PARP10: variants seen among roughly 807,000 people sequenced by gnomAD.
PARP10 encodes poly(ADP-ribose) polymerase family member 10.
PARP10 carries 56 observed loss-of-function variants against 82.4 expected under a neutral mutation model. The observed-to-expected ratio is 0.68, with a 90% CI of 0.55 to 0.85. PARP10 has a LOEUF of 0.85. Ranked by LOEUF, PARP10 falls within the 40% of genes least tolerant of loss-of-function variation. The pLI is 0.00. For synonymous variants in PARP10, 576 were observed against 601.1 expected, an observed-to-expected ratio of 0.96 and a Z score of 0.61; for missense variants, 1,227 against 1,379.4, an observed-to-expected ratio of 0.89 and a Z score of 1.75.
rs190244484 is a variant in PARP10, at chr8:144,006,003, C to T, written c.-80+6527G>A. Among the ~76,000 whole-genome samples the T allele has an allele frequency of 1.1e-3, 169 of 152,372 alleles. 1 individual carries two copies. Among genetic ancestry groups the T allele is most frequent in the African/African-American group, 3.9e-3 (162 of 41,590 alleles). ...CGCACTGGTAAGAGATGGTGCTCAA[C>T]ACTGACTGAAGAGTGGGGACCCTCA... On this transcript the variant is annotated intron_variant, in intron 1 of 3. Coordinates refer to the PARP10 transcript ENST00000530478.
chr8:143,989,271 A>G (rs939190131), upstream of PARP10, among the ~76,000 whole-genome samples: 1 of 152,230 alleles, frequency 6.6e-6, no homozygotes, highest in Non-Finnish European at 1.5e-5. This position sits in a 1 kb window ranked among gnomAD's most constrained non-coding sequence, Gnocchi z 4.3. Context: ...GGAGCTAAGC[A>G]GGGAGGTGGC....
Position 143,983,214 on chromosome 8 carries a change from G to T in PARP10, c.2375C>A (p.Pro792His). ...GGGAAAGGCCAAACTCTGATCCCAG[G>T]GGCCAGCCAGAAGTGCCACCAAGTG... is the stretch of plus-strand genomic sequence containing the variant. ...ARHLVALLAG[P>H]WDQSLAFPLA... is the part of the protein sequence containing the mutation. The change falls in exon 8 of 11, where the codon CCC becomes CAC. Residue 792 changes from proline (P) to histidine (H), a missense_variant. Physicochemically the swap from Pro to His is moderately conservative, Grantham distance 77. Coordinates refer to ENST00000313028, the MANE Select transcript of PARP10 (RefSeq NM_032789.5). The T allele has an allele frequency of 1.2e-6, 2 of 1,613,798 alleles. No homozygotes were observed. The highest frequency in any genetic ancestry group is 1.7e-6 in the Non-Finnish European group (2 of 1,180,012).
Position 143,977,712 on chromosome 8 carries a change from A to G in PARP10, c.2850T>C (p.Thr950=). The G allele has an allele frequency of 1.9e-6, 3 of 1,596,070 alleles. No individual in the cohort carries two copies. Among genetic ancestry groups the G allele is most frequent in the Non-Finnish European group, 2.6e-6 (3 of 1,172,144 alleles). ...CGCGGCGGCCCTGCCCGTAGTCGCC[A>G]GTCAGCACCCGTGCCACGAACACCG... is the stretch of plus-strand genomic sequence containing the variant. ...HKAVFVARVL[T]GDYGQGRRGL... Residue 950 remains threonine, a synonymous_variant, in exon 11 of 11, where the codon ACT becomes ACC. Transcript: ENST00000313028.
chr8:143,985,246 G>A lies in PARP10; in HGVS notation c.756C>T (p.Pro252=), dbSNP rs144026672. 1.1e-4 allele frequency: 179 copies of A among 1,613,966 alleles called. 1 individual carries two copies. In the African/African-American group the frequency reaches 2.1e-3, roughly 19 times the overall value. ...CACTGGTGTTCTCAGCCAGCTCCTC[G>A]GGCTCCAGGATGTCGTAGTGGGGGA... ...SLVPHYDILE[P]EELAENTSGG... is the part of the protein sequence containing the mutation. Residue 252 remains proline, a synonymous_variant, in exon 5 of 11, where the codon CCC becomes CCT. Coordinates refer to ENST00000313028, the MANE Select transcript of PARP10 (RefSeq NM_032789.5).
At position 143,983,990 on chromosome 8, in the gene PARP10, G is replaced by T. The variant is rs1554748472; in HGVS notation, c.1777+18C>A. The T allele has an allele frequency of 3.3e-6, 5 of 1,505,650 alleles. No individual in the cohort carries two copies. In the South Asian group the frequency reaches 6.8e-5, roughly 20 times the overall value. The allele number at this position is 1,505,650 out of a possible 1,614,324, so 93.3% of individuals were successfully genotyped here. ...GTGAGGGCCACAGGATGTGCTGAGG[G>T]CTCCCAGGGAGCCCTACCCAGGCTC... is the stretch of plus-strand genomic sequence containing the variant. On this transcript the variant is annotated intron_variant, in intron 7 of 10. Transcript: ENST00000313028.
intron 1 of PARP10, among the ~76,000 whole-genome samples, chr8:144,005,769 C>G (rs1230857419): frequency 3.3e-5 from 5 of 152,164 alleles, no homozygotes; most frequent in African/African-American, 1.2e-4. Flanking sequence ...TTTGCCCCTT[C>G]TCATTCCCTG....
intron 1 of PARP10, among the ~76,000 whole-genome samples, chr8:144,003,398 C>T (rs1476791744): frequency 7.2e-6 from 1 of 139,774 alleles, no homozygotes; most frequent in Admixed American, 7.8e-5. Flanking sequence ...CACTGCACTC[C>T]AGCCTGGGTG....
At chr8:144,002,241 A>G (rs1449465986) in intron 1 of PARP10, among the ~76,000 whole-genome samples, 2 of 152,180 alleles carry the variant, frequency 1.3e-5, no homozygotes, top group African/African-American at 4.8e-5. Flanking sequence ...TCTTTATTCA[A>G]TGTAAGTCCA....
chr8:144,008,978 C>A lies in PARP10; in HGVS notation c.-80+3552G>T, dbSNP rs782001649. The stretch of plus-strand genomic sequence containing the variant: ...GGCTGCAGCTTAACATTCTGGGGGA[C>A]CCTGGGGGTCTTTTGAGGGCCTCTA... On this transcript the variant is annotated intron_variant, in intron 1 of 3. Coordinates refer to the PARP10 transcript ENST00000530478. The surrounding 1 kb of genome is among the most constrained non-coding windows in gnomAD (Gnocchi z 4.0). Among the ~76,000 whole-genome samples the A allele has an allele frequency of 4.6e-5, 7 of 152,112 alleles. No individual in the cohort carries two copies. Among genetic ancestry groups the A allele is most frequent in the Non-Finnish European group, 4.4e-5 (3 of 68,020 alleles).
upstream of PARP10, chr8:143,992,883 G>C: frequency 6.3e-7 from 1 of 1,589,758 alleles, no homozygotes; most frequent in Non-Finnish European, 8.6e-7. Flanking sequence ...GGCACGGCTG[G>C]CCTGGACCCT....
chr8:143,983,435 A>G lies in PARP10; in HGVS notation c.2154T>C (p.Asp718=), dbSNP rs781878370. ...QLVVHSAFEQ[D]VEELDRALRA... ...TGAGCGCCCGGTCCAGCTCCTCCAC[A>G]TCCTGCTCAAAGGCCGAGTGCACCA... Residue 718 remains aspartate, a synonymous_variant, in exon 8 of 11, where the codon GAT becomes GAC. Transcript: ENST00000313028. The G allele has an allele frequency of 1.9e-6, 3 of 1,605,484 alleles. No homozygotes were observed. Among genetic ancestry groups the G allele is most frequent in the Non-Finnish European group, 2.5e-6 (3 of 1,179,416 alleles).
At position 143,985,640 on chromosome 8, in the gene PARP10, C is replaced by T. The variant is rs1032718340; in HGVS notation, c.445G>A (p.Val149Ile). 1.9e-6 allele frequency: 3 copies of T among 1,613,006 alleles called. No individual in the cohort carries two copies. The African/African-American group carries it at 4.0e-5, about 22-fold the overall frequency. ...PKPLSEADVR[V>I]LEEQAQNLGL... ...AGATTCTGGGCCTGCTCCTCCAGGA[C>T]ACGGACATCTGTGGGGTATGTGCAG... is the stretch of plus-strand genomic sequence containing the variant. The change falls in exon 4 of 11, where the codon GTC becomes ATC. Residue 149 changes from valine (V) to isoleucine (I), a missense_variant. Physicochemically the swap from Val to Ile is conservative, Grantham distance 29. Coordinates refer to ENST00000313028, the MANE Select transcript of PARP10 (RefSeq NM_032789.5).
In PARP10 at chr8:144,011,263, G is replaced by A. The variant is rs1355963786; in HGVS notation, c.-80+1267C>T. 1.3e-5 allele frequency among the ~76,000 whole-genome samples: 2 copies of A among 152,222 alleles called. No homozygotes were observed. Among genetic ancestry groups the A allele is most frequent in the East Asian group, 3.9e-4 (2 of 5,164 alleles). On this transcript the variant is annotated intron_variant, in intron 1 of 3. Coordinates refer to the PARP10 transcript ENST00000530478. The surrounding 1 kb of genome is among the most constrained non-coding windows in gnomAD (Gnocchi z 4.5). ...AACAGAGACACTCTATAAAGTTAGA[G>A]GGGTGACTGAAGAGACCTCAACTCT...
chr8:143,986,170 C>A lies in PARP10; in HGVS notation c.66G>T (p.Val22=). ...AVEVRGLPPA[V]PDELLTLYFE... ...AGTAGAGAGTGAGCAGCTCGTCGGG[C>A]ACGGCAGGGGGCAGTCCACGGACCT... Residue 22 remains valine (V), a synonymous_variant, in exon 2 of 11, where the codon GTG becomes GTT. Transcript: ENST00000313028. 1 of 1,613,850 alleles carries A rather than the reference C, an allele frequency of 6.2e-7. No homozygotes were observed. Among genetic ancestry groups the A allele is most frequent in the Middle Eastern group, 1.7e-4 (1 of 6,060 alleles).
intron 9 of PARP10, among the ~76,000 whole-genome samples, chr8:143,981,357 GAT>G (rs1564248439): frequency 2.1e-4 from 28 of 134,310 alleles, no homozygotes; most frequent in South Asian, 9.5e-4. Context: ...TGATGGTGAT[GAT>G]GGTGGTGACG....
Position 143,978,053 on chromosome 8 carries a change from T to A in PARP10, c.2585A>T (p.Gln862Leu). The A allele has an allele frequency of 6.5e-7, 1 of 1,548,104 alleles. No individual in the cohort carries two copies. Among genetic ancestry groups the A allele is most frequent in the Non-Finnish European group, 8.7e-7 (1 of 1,150,558 alleles). ...CTCCCGGTACAGCTCATACTGCTGCTGCAGCAGCGGGTGCGACACGCGCTC... is the reference window on the plus strand; with the variant it reads ...CTCCCGGTACAGCTCATACTGCTGCAGCAGCAGCGGGTGCGACACGCGCTC... The part of the protein sequence containing the change: ...RVERVSHPLL[Q>L]QQYELYRERL... Residue 862 changes from glutamine (Q) to leucine (L), a missense_variant, in exon 10 of 11, where the codon CAG becomes CTG. Coordinates refer to ENST00000313028, the MANE Select transcript of PARP10 (RefSeq NM_032789.5).
At chr8:143,992,708 C>G (rs1554750787), upstream of PARP10, 9 of 1,613,940 alleles carry the variant, frequency 5.6e-6, no homozygotes, top group Non-Finnish European at 7.6e-6. Context: ...GCAGTGGACA[C>G]CCAGCTGCTA....
At chr8:143,981,305 AGTG>A (rs1379784776) in intron 9 of PARP10, among the ~76,000 whole-genome samples, 2 of 143,516 alleles carry the variant, frequency 1.4e-5, no homozygotes, top group Admixed American at 6.9e-5. Flanking sequence ...TGGTGGTGGT[AGTG>A]GTGGTGGTGA....
In PARP10 at chr8:143,977,922, A is replaced by G. The variant is rs201196278; in HGVS notation, c.2716T>C (p.Phe906Leu). ...DICAHGFNRSFCGRNATVYGK... is the reference protein window; with the variant it reads ...DICAHGFNRSLCGRNATVYGK... The stretch of plus-strand genomic sequence containing the variant: ...CAGGCCTCACCGTTGCGGCCGCAGA[A>G]GCTGCGGTTGAAGCCGTGGGCGCAG... The change falls in exon 10 of 11, where the codon TTC becomes CTC. Residue 906 changes from phenylalanine to leucine, a missense_variant. Phe to Leu is a conservative substitution (Grantham distance 22). Coordinates refer to ENST00000313028, the MANE Select transcript of PARP10 (RefSeq NM_032789.5). The G allele has an allele frequency of 1.2e-6, 2 of 1,601,534 alleles. No homozygotes were observed. The highest frequency in any genetic ancestry group is 4.5e-5 in the East Asian group (2 of 44,850).
Sources: gnomAD v4.1 joint callset for allele counts (sites outside exome capture counted in the v4.1 genomes callset) on GRCh38, gnomAD v4.1.1 for gene constraint, Gnocchi (gnomAD v3.1) non-coding constraint, MANE v1.5 for transcripts, NCBI Gene and HGNC (gene_info 2026-07-23, HGNC 2026-07-21) for gene names.